SOX5: variants seen among roughly 807,000 people sequenced by gnomAD.
SOX5 encodes the protein transcription factor SOX-5.
A neutral mutation model predicts 92.0 loss-of-function variants in SOX5; 9 were observed. The ratio of observed to expected loss-of-function variants is 0.10; its 90% CI spans 0.06 to 0.17. The LOEUF (loss-of-function observed/expected upper bound fraction) is 0.17, where lower values mean the gene tolerates loss of function less well. SOX5 is among the 10% of genes least tolerant of loss of function. The pLI is 1.00. For synonymous variants in SOX5, 344 were observed against 336.3 expected, an observed-to-expected ratio of 1.02 and a Z score of -0.25; for missense variants, 642 against 944.5, an observed-to-expected ratio of 0.68 and a Z score of 4.20.
At chr12:23,814,804 G>T (rs542356475) in intron 3 of SOX5, among the ~76,000 whole-genome samples, 1 of 151,982 alleles carries the variant, frequency 6.6e-6, no homozygotes, top group East Asian at 1.9e-4. Context: ...TATAGGAAAA[G>T]GTAGAAAAAA....
rs1374142512 is a variant in SOX5, at chr12:24,307,649, T to A, written c.-173-30337A>T. ...GTTTCATTCCTGCTCTAAAGCTTTT[T>A]AATAAACGTTCACTGCTTCTCTAAA... is the stretch of plus-strand genomic sequence containing the variant. On this transcript the variant is annotated intron_variant, in intron 2 of 4. Transcript: ENST00000446891. Among the ~76,000 whole-genome samples the A allele has an allele frequency of 2.7e-5, 2 of 73,236 alleles. 1 individual carries two copies. Among genetic ancestry groups the A allele is most frequent in the Non-Finnish European group, 6.6e-5 (2 of 30,490 alleles). The allele number at this position is 73,236 out of a possible 152,430, so 48.0% of individuals were successfully genotyped here.
chr12:24,166,230 A>C (rs1042725203), intron 4 of SOX5, among the ~76,000 whole-genome samples: 1 of 152,136 alleles, frequency 6.6e-6, no homozygotes, highest in African/African-American at 2.4e-5. Context: ...AGTGACTTTT[A>C]TGTGTTTCTT....
In SOX5 at chr12:24,376,689, C is replaced by CTTTT. The variant is rs1480014070; in HGVS notation, c.-250-8051_-250-8050insAAAA. Among the ~76,000 whole-genome samples the CTTTT allele has an allele frequency of 2.1e-3, 200 of 93,090 alleles. 20 individuals carry two copies. The highest frequency in any genetic ancestry group is 7.7e-3 in the Middle Eastern group (1 of 130). The allele number at this position is 93,090 out of a possible 152,430, so 61.1% of individuals were successfully genotyped here. A position where few individuals can be genotyped will look rare whatever the true frequency, so the allele number is the denominator to read the frequency against. On this transcript the variant is annotated intron_variant, in intron 1 of 4. Transcript: ENST00000446891. ...TCAGAATGATGCTATGGGAGAGATA[C>CTTTT]CTTTTTTTTTTTTTTTTTTTTTTTT...
At chr12:24,476,039 A>G (rs189247619) in intron 1 of SOX5, among the ~76,000 whole-genome samples, 1 of 151,758 alleles carries the variant, frequency 6.6e-6, no homozygotes, top group East Asian at 1.9e-4. Flanking sequence ...TTTACAATCA[A>G]CTCCTTGGAG....
chr12:24,137,415 G>A (rs553657640), intron 4 of SOX5, among the ~76,000 whole-genome samples: 35 of 152,176 alleles, frequency 2.3e-4, no homozygotes, highest in African/African-American at 6.7e-4. Flanking sequence ...TGCGGATCAC[G>A]AGGTCAGAAG....
intron 7 of SOX5, among the ~76,000 whole-genome samples, chr12:23,641,872 T>A (rs1454207964): frequency 6.6e-6 from 1 of 152,224 alleles, no homozygotes; most frequent in Non-Finnish European, 1.5e-5. Context: ...ATTGCACGCA[T>A]GAAAAATATA....
At chr12:23,632,861 C>G (rs1273601233) in intron 8 of SOX5, among the ~76,000 whole-genome samples, 1 of 152,034 alleles carries the variant, frequency 6.6e-6, no homozygotes, top group Non-Finnish European at 1.5e-5. Context: ...TTACTAGTTA[C>G]TGAAGCTGTA....
intron 6 of SOX5, among the ~76,000 whole-genome samples, chr12:23,706,575 C>T (rs1298169165): frequency 6.6e-6 from 1 of 151,782 alleles, no homozygotes; most frequent in Non-Finnish European, 1.5e-5. Context: ...GGTAAAAAAA[C>T]ATTAAAATAT....
chr12:23,563,504 G>T, intron 10 of SOX5, 101 bp from the exon 11 acceptor site: 1 of 929,430 alleles, frequency 1.1e-6, no homozygotes, highest in Non-Finnish European at 1.6e-6. Context: ...GTAGTGTCTG[G>T]CCTATAATGA....
intron 3 of SOX5, among the ~76,000 whole-genome samples, chr12:24,245,235 TTGTGTGTGTG>T (rs58384963): frequency 3.0e-4 from 44 of 144,366 alleles, no homozygotes; most frequent in East Asian, 1.2e-3. Context: ...TTGGAGAGAT[TTGTGTGTGTG>T]TGTGTGTGTG....
intron 6 of SOX5, among the ~76,000 whole-genome samples, chr12:23,667,466 T>C (rs1437415715): frequency 6.6e-6 from 1 of 152,172 alleles, no homozygotes; most frequent in Non-Finnish European, 1.5e-5. Context: ...TAATTTGTTT[T>C]AGTGTCTAAA....
chr12:24,371,959 G>C (rs2136270983), intron 1 of SOX5, among the ~76,000 whole-genome samples: 1 of 151,958 alleles, frequency 6.6e-6, no homozygotes, highest in South Asian at 2.1e-4. Flanking sequence ...CTGCACTCTA[G>C]CGTGGGTGAC....
chr12:23,616,961 A>G (rs73091330), intron 8 of SOX5, among the ~76,000 whole-genome samples: 12,587 of 151,898 alleles, frequency 0.083, 696 homozygotes, highest in Non-Finnish European at 0.12. Flanking sequence ...TTCAACAAAA[A>G]CTTAAAAATA....
At chr12:24,489,543 A>T (rs1022388171) in intron 1 of SOX5, among the ~76,000 whole-genome samples, 1 of 152,160 alleles carries the variant, frequency 6.6e-6, no homozygotes, top group African/African-American at 2.4e-5. Context: ...GAATAAAGAG[A>T]GAAGGAGATA....
At chr12:23,608,749 C>T (rs1198435220) in intron 8 of SOX5, among the ~76,000 whole-genome samples, 1 of 152,154 alleles carries the variant, frequency 6.6e-6, no homozygotes, top group Non-Finnish European at 1.5e-5. Flanking sequence ...AAATGAATCA[C>T]ATGATGTGTA....
At chr12:24,017,828 G>T (rs1177372376) in intron 4 of SOX5, among the ~76,000 whole-genome samples, 1 of 151,874 alleles carries the variant, frequency 6.6e-6, no homozygotes, top group African/African-American at 2.4e-5. Flanking sequence ...ACTTCCCACA[G>T]AGATGTACTA....
intron 3 of SOX5, among the ~76,000 whole-genome samples, chr12:23,845,245 T>C (rs968381366): frequency 5.3e-5 from 8 of 152,256 alleles, no homozygotes; most frequent in Non-Finnish European, 1.0e-4. Context: ...TTGTGTGCAG[T>C]ATGGCACCCA....
intron 3 of SOX5, among the ~76,000 whole-genome samples, chr12:23,775,571 C>T (rs918172814): frequency 6.6e-6 from 1 of 152,150 alleles, no homozygotes; most frequent in Non-Finnish European, 1.5e-5. Flanking sequence ...CCAGGGTAAT[C>T]CTTATTATTT....
At chr12:24,476,686 A>G (rs1171156421) in intron 1 of SOX5, among the ~76,000 whole-genome samples, 1 of 152,084 alleles carries the variant, frequency 6.6e-6, no homozygotes, top group East Asian at 1.9e-4. Flanking sequence ...GCATTTGTCG[A>G]TATGTGTTGG....
Sources: gnomAD v4.1 joint callset for allele counts (sites outside exome capture counted in the v4.1 genomes callset) on GRCh38, gnomAD v4.1.1 for gene constraint, MANE v1.5 for transcripts, NCBI Gene and HGNC (gene_info 2026-07-23, HGNC 2026-07-21) for gene names.